The following SEC11C variants were observed in gnomAD, a reference collection of about 807,000 sequenced individuals.
The protein encoded by SEC11C is SEC11 homolog C, signal peptidase complex subunit.
In SEC11C, 10 loss-of-function variants were observed where a neutral mutation model predicts 21.9. The observed-to-expected ratio is 0.46, with a 90% CI of 0.28 to 0.77. The LOEUF (loss-of-function observed/expected upper bound fraction) is 0.77, where lower values mean the gene tolerates loss of function less well. Ranked by LOEUF, SEC11C falls within the 30% of genes least tolerant of loss-of-function variation. The pLI, the probability that SEC11C is intolerant of heterozygous loss-of-function variation, is 0.12. For synonymous variants in SEC11C, 83 were observed against 85.6 expected (o/e 0.97, Z 0.17); for missense variants, 145 against 244.5 (o/e 0.59, Z 2.71).
chr18:59,145,672 C>T (rs1229666603), intron 1 of SEC11C, among the ~76,000 whole-genome samples: 2 of 152,170 alleles, frequency 1.3e-5, no homozygotes, highest in East Asian at 3.8e-4. Context: ...GGGCTTTAGG[C>T]AGGGCATAGA....
intron 1 of SEC11C, 110 bp downstream of exon 1, chr18:59,140,145 A>T: frequency 1.0e-6 from 1 of 972,160 alleles, no homozygotes. Context: ...CCGGGCGGCC[A>T]CCCGAAGCTC....
chr18:59,147,450 G>A (rs963684254), intron 1 of SEC11C: 1 of 152,190 alleles, frequency 6.6e-6, no homozygotes, highest in African/African-American at 2.4e-5. Context: ...TTAATAGCAA[G>A]GAGAGTTTAG....
At chr18:59,153,962 C>T (rs2069389799) in intron 3 of SEC11C, among the ~76,000 whole-genome samples, 2 of 152,150 alleles carry the variant, frequency 1.3e-5, no homozygotes, top group Non-Finnish European at 2.9e-5. Flanking sequence ...CCGCCTTGGC[C>T]TCCCAAAGTG....
chr18:59,141,346 A>C (rs1392930585), intron 1 of SEC11C, among the ~76,000 whole-genome samples: 3 of 152,240 alleles, frequency 2.0e-5, no homozygotes, highest in Non-Finnish European at 4.4e-5. Flanking sequence ...TAATGTCCTG[A>C]GCATTGATGC....
intron 1 of SEC11C, among the ~76,000 whole-genome samples, chr18:59,140,727 C>T (rs2069200327): frequency 6.6e-6 from 1 of 152,156 alleles, no homozygotes; most frequent in African/African-American, 2.4e-5. Flanking sequence ...GTTGAATTCC[C>T]TCTCCTTTGT....
At chr18:59,142,502 C>T (rs1350120656) in intron 1 of SEC11C, among the ~76,000 whole-genome samples, 1 of 152,196 alleles carries the variant, frequency 6.6e-6, no homozygotes, top group African/African-American at 2.4e-5. Flanking sequence ...TTATCAAATC[C>T]TTTAAGTCAG....
chr18:59,142,107 A>G (rs1485827343), intron 1 of SEC11C, among the ~76,000 whole-genome samples: 1 of 152,120 alleles, frequency 6.6e-6, no homozygotes, highest in Non-Finnish European at 1.5e-5. Flanking sequence ...AATCAAAATT[A>G]CTTTTCTGGA....
At chr18:59,155,276 A>T (rs4940450) in intron 3 of SEC11C, among the ~76,000 whole-genome samples, 85,602 of 152,020 alleles carry the variant, frequency 0.56, 25,874 homozygotes, top group East Asian at 0.88. Context: ...AATTGCACAG[A>T]GGTGATTCAC....
chr18:59,157,545 G>C (rs2069432048), intron 4 of SEC11C, 63 bp from the exon 5 acceptor site: 2 of 1,071,856 alleles, frequency 1.9e-6, no homozygotes, highest in East Asian at 4.7e-5. Flanking sequence ...AGTGTTTTCA[G>C]ATGTTGCCAT....
rs1037547575 is a variant in SEC11C at position 59,153,703 on chromosome 18, A to G, written c.347+1018A>G. 4.7e-5 allele frequency among the ~76,000 whole-genome samples: 7 copies of G among 148,916 alleles called. No individual in the cohort carries two copies. The East Asian group carries it at 1.2e-3, about 25-fold the overall frequency. ...GTAGCTGGGACTACAAGCATGCACC[A>G]TCATGCCTGGCTAATTTTTTTTTTT... On this transcript the variant is annotated intron_variant, in intron 3 of 5. Transcript: ENST00000587834.
chr18:59,146,964 G>A (rs371471526), intron 1 of SEC11C: 5 of 152,236 alleles, frequency 3.3e-5, no homozygotes, highest in African/African-American at 1.2e-4. Flanking sequence ...GTGGTTCTCA[G>A]CTGTGATTCC....
At chr18:59,146,555 G>T (rs1364850872) in intron 1 of SEC11C, among the ~76,000 whole-genome samples, 4 of 152,132 alleles carry the variant, frequency 2.6e-5, no homozygotes, top group Non-Finnish European at 5.9e-5. Flanking sequence ...AGGGTTCGAA[G>T]AAATGATCAT....
At chr18:59,148,713 A>G (rs1249002345) in intron 1 of SEC11C, among the ~76,000 whole-genome samples, 1 of 151,400 alleles carries the variant, frequency 6.6e-6, no homozygotes, top group Non-Finnish European at 1.5e-5. Flanking sequence ...TCCCGGGTTC[A>G]CGCCATTCTC....
rs113985050 is a variant in SEC11C, at chr18:59,141,664, CT to C, written c.87+1642del. ...TTGGTACTTTTTAAAAAAGCTTTGT[CT>C]TTTTTTTTTTTTCTCTTCTTCCCTC... is the stretch of plus-strand genomic sequence containing the variant. On this transcript the variant is annotated intron_variant, in intron 1 of 5. Coordinates refer to ENST00000587834, the MANE Select transcript of SEC11C (RefSeq NM_033280.4). Among the ~76,000 whole-genome samples the C allele has an allele frequency of 5.3e-3, 776 of 146,118 alleles. 3 individuals are homozygous for C. The highest frequency in any genetic ancestry group is 0.013 in the African/African-American group (505 of 40,070).
chr18:59,140,280 A>C (rs1490159131), intron 1 of SEC11C, among the ~76,000 whole-genome samples: 2 of 152,372 alleles, frequency 1.3e-5, no homozygotes, highest in African/African-American at 4.8e-5. Flanking sequence ...ACCCCGTGCC[A>C]TGGAATGTCA....
In SEC11C at chr18:59,145,397, G is replaced by T. The variant is rs115105406; in HGVS notation, c.88-4116G>T. Among the ~76,000 whole-genome samples the T allele has an allele frequency of 2.2e-3, 342 of 152,338 alleles. 3 individuals carry two copies. Among genetic ancestry groups the T allele is most frequent in the African/African-American group, 7.9e-3 (327 of 41,574 alleles). The stretch of plus-strand genomic sequence containing the variant: ...ATTTCTGGTCTAGCCAGTCAGGGCA[G>T]GGTTCTGTTGGACACTGACATTTAA... On this transcript the variant is annotated intron_variant, in intron 1 of 5. Transcript: ENST00000587834.
chr18:59,145,110 C>G (rs762224450), intron 1 of SEC11C, among the ~76,000 whole-genome samples: 12 of 152,170 alleles, frequency 7.9e-5, no homozygotes, highest in Non-Finnish European at 1.5e-4. Context: ...AATTATGATG[C>G]TGATGAACGA....
At chr18:59,145,720 A>G (rs930916297) in intron 1 of SEC11C, among the ~76,000 whole-genome samples, 3 of 152,228 alleles carry the variant, frequency 2.0e-5, no homozygotes, top group African/African-American at 7.2e-5. Flanking sequence ...AAACCAGTAC[A>G]GTCAAGCACC....
chr18:59,157,774 C>G lies in SEC11C; in HGVS notation c.525+109C>G, dbSNP rs544056028. 1.6e-5 allele frequency: 12 copies of G among 733,904 alleles called. 1 individual carries two copies. In the South Asian group the frequency reaches 1.9e-4, roughly 12 times the overall value. The allele number at this position is 733,904 out of a possible 1,614,324, so 45.5% of individuals were successfully genotyped here. A position where few individuals can be genotyped will look rare whatever the true frequency, so the allele number is the denominator to read the frequency against. On this transcript the variant is annotated intron_variant, in intron 5 of 5. Coordinates refer to ENST00000587834, the MANE Select transcript of SEC11C (RefSeq NM_033280.4). The stretch of plus-strand genomic sequence containing the variant: ...TTAAAACATGTTGCCATTAATAGGC[C>G]TGCAGAATATCTGTAGTTAACTACA...
Sources: allele counts gnomAD v4.1 joint callset (sites outside exome capture counted in the v4.1 genomes callset), GRCh38; gene constraint gnomAD v4.1.1; transcripts MANE v1.5; gene names NCBI Gene and HGNC (gene_info 2026-07-23, HGNC 2026-07-21).